The following EYA2 variants were observed in gnomAD, a reference collection of about 807,000 sequenced individuals.
EYA2 encodes the protein protein phosphatase EYA2.
EYA2 carries 31 observed loss-of-function variants against 69.2 expected under a neutral mutation model. The observed-to-expected ratio is 0.45, with a 90% CI of 0.34 to 0.60. The LOEUF (loss-of-function observed/expected upper bound fraction) is 0.60, where lower values mean the gene tolerates loss of function less well. Among genes scored for constraint, EYA2 ranks in the 20% least tolerant of loss-of-function variants. The probability of loss-of-function intolerance (pLI) is 0.02; values close to 1 mark genes in which losing one functional copy is unlikely to be tolerated. For missense variants in EYA2, 622 were observed against 701.2 expected, an observed-to-expected ratio of 0.89 and a Z score of 1.28; for synonymous variants, 257 against 279.4, an observed-to-expected ratio of 0.92 and a Z score of 0.80.
intron 10 of EYA2, among the ~76,000 whole-genome samples, chr20:47,165,076 T>G (rs2034154776): frequency 6.6e-6 from 1 of 152,198 alleles, no homozygotes; most frequent in South Asian, 2.1e-4. Flanking sequence ...CTTGAGCACT[T>G]GAAGTAGGAC....
At chr20:47,109,443 C>T (rs1184665404) in intron 9 of EYA2, among the ~76,000 whole-genome samples, 2 of 152,104 alleles carry the variant, frequency 1.3e-5, no homozygotes, top group African/African-American at 4.8e-5. Flanking sequence ...TTGTTTGTTT[C>T]CTGTAACATA....
chr20:46,973,684 A>G (rs184892659), intron 1 of EYA2, among the ~76,000 whole-genome samples: 2 of 152,178 alleles, frequency 1.3e-5, no homozygotes, highest in East Asian at 3.9e-4. Flanking sequence ...AGTCTAAGTA[A>G]TGGGTGCACA....
intron 5 of EYA2, among the ~76,000 whole-genome samples, chr20:47,057,273 G>A (rs574609053): frequency 2.6e-5 from 4 of 152,300 alleles, no homozygotes; most frequent in Admixed American, 1.3e-4. Flanking sequence ...TGCCCAGGAG[G>A]TGAGGGGATG....
chr20:47,130,775 A>G (rs886267675), intron 9 of EYA2, among the ~76,000 whole-genome samples: 5 of 152,156 alleles, frequency 3.3e-5, no homozygotes, highest in African/African-American at 1.2e-4. Context: ...GGATACAAAC[A>G]AGTATATTCA....
intron 1 of EYA2, among the ~76,000 whole-genome samples, chr20:46,912,792 C>T (rs1277829505): frequency 6.6e-6 from 1 of 151,044 alleles, no homozygotes; most frequent in East Asian, 1.9e-4. Context: ...GCTCCGCTTC[C>T]CGGGTTCACG....
intron 12 of EYA2, 100 bp downstream of exon 12, chr20:47,172,967 A>G: frequency 4.4e-6 from 6 of 1,378,390 alleles, no homozygotes; most frequent in Non-Finnish European, 5.9e-6. Flanking sequence ...AGAGGTTCAC[A>G]AGTTCAGTAC....
chr20:46,923,379 A>G (rs907374948), intron 1 of EYA2, among the ~76,000 whole-genome samples: 2 of 152,186 alleles, frequency 1.3e-5, no homozygotes, highest in African/African-American at 4.8e-5. Flanking sequence ...AACAAACAAA[A>G]GAAATGTTCT....
intron 1 of EYA2, among the ~76,000 whole-genome samples, chr20:46,962,368 T>C (rs1487290949): frequency 6.6e-6 from 1 of 152,196 alleles, no homozygotes; most frequent in Non-Finnish European, 1.5e-5. Flanking sequence ...AAATGATAAA[T>C]GTTTGAGGTG....
chr20:47,001,444 C>G lies in EYA2; in HGVS notation c.126C>G (p.Ala42=), dbSNP rs1304461721. The G allele has an allele frequency of 6.2e-7, 1 of 1,614,176 alleles. No homozygotes were observed. Among genetic ancestry groups the G allele is most frequent in the South Asian group, 1.1e-5 (1 of 91,090 alleles). Reference sequence around the variant, plus strand: ...CTCCTGCAGGCATCACCAAATCGGCCCCCCTGAGAGTGTCCCAGCTCTTCT... The same window carrying G: ...CTCCTGCAGGCATCACCAAATCGGCGCCCCTGAGAGTGTCCCAGCTCTTCT... ...LSDRQGITKS[A]PLRVSQLFSR... Residue 42 remains alanine, a synonymous_variant, in exon 3 of 16, where the codon GCC becomes GCG. Transcript: ENST00000327619.
chr20:46,995,028 G>A (rs959901324), intron 2 of EYA2, among the ~76,000 whole-genome samples: 1 of 152,058 alleles, frequency 6.6e-6, no homozygotes, highest in Non-Finnish European at 1.5e-5. Flanking sequence ...AGCCTCCGGA[G>A]TAGCTGGGAT....
chr20:46,989,251 C>T (rs904748793), intron 1 of EYA2, among the ~76,000 whole-genome samples: 3 of 151,948 alleles, frequency 2.0e-5, no homozygotes, highest in Non-Finnish European at 2.9e-5. Context: ...AGCTTTTCTC[C>T]GTCCATGCAA....
chr20:47,156,497 C>T (rs1180620175), intron 10 of EYA2, among the ~76,000 whole-genome samples: 9 of 151,704 alleles, frequency 5.9e-5, no homozygotes, highest in East Asian at 2.0e-4. Context: ...AAGACCATGC[C>T]GGAGAGACTC....
chr20:47,129,979 G>A (rs2033296875), intron 9 of EYA2, among the ~76,000 whole-genome samples: 1 of 149,674 alleles, frequency 6.7e-6, no homozygotes, highest in Non-Finnish European at 1.5e-5. Flanking sequence ...GGTCAGGGGA[G>A]CAGTTGTGCC....
At chr20:46,926,788 G>A in intron 1 of EYA2, among the ~76,000 whole-genome samples, 1 of 152,220 alleles carries the variant, frequency 6.6e-6, no homozygotes, top group East Asian at 1.9e-4. Flanking sequence ...TTTGAATTAT[G>A]TGACTGCCGT....
At chr20:46,962,148 C>T (rs1475269726) in intron 1 of EYA2, among the ~76,000 whole-genome samples, 2 of 152,190 alleles carry the variant, frequency 1.3e-5, no homozygotes, top group Non-Finnish European at 2.9e-5. Context: ...CCCACCTCAG[C>T]CTCCTGAGTA....
chr20:47,169,112 TC>T, intron 10 of EYA2, 26 bp from the exon 11 acceptor site: 1 of 1,609,918 alleles, frequency 6.2e-7, no homozygotes, highest in African/African-American at 1.3e-5. Flanking sequence ...TCTCTCTCTC[TC>T]TCTCTCTCTG....
chr20:46,908,830 A>G (rs1231369750), intron 1 of EYA2, among the ~76,000 whole-genome samples: 1 of 147,340 alleles, frequency 6.8e-6, no homozygotes, highest in Non-Finnish European at 1.5e-5. Context: ...GACCCTGGGA[A>G]TCAAATTTCA....
intron 5 of EYA2, among the ~76,000 whole-genome samples, chr20:47,032,945 G>C (rs1211073024): frequency 6.6e-6 from 1 of 152,152 alleles, no homozygotes; most frequent in African/African-American, 2.4e-5. Context: ...TGCTGTCCCC[G>C]TATGTGTCTC....
intron 11 of EYA2, among the ~76,000 whole-genome samples, chr20:47,172,107 T>TA (rs200935631): frequency 1.7e-4 from 24 of 142,090 alleles, no homozygotes; most frequent in East Asian, 4.3e-4. Flanking sequence ...TCAAAATAAA[T>TA]AAAAAAAAAT....
Sources: gnomAD v4.1 joint callset for allele counts (sites outside exome capture counted in the v4.1 genomes callset) on GRCh38, gnomAD v4.1.1 for gene constraint, MANE v1.5 for transcripts, NCBI Gene and HGNC (gene_info 2026-07-23, HGNC 2026-07-21) for gene names.